Variants in HLCS observed in about 807,000 individuals in gnomAD.
HLCS encodes holocarboxylase synthetase, also known as biotin--protein ligase.
HLCS carries 53 observed loss-of-function variants against 75.0 expected under a neutral mutation model. The ratio of observed to expected loss-of-function variants is 0.71; its 90% CI spans 0.57 to 0.89. HLCS has a LOEUF of 0.89. Ranked by LOEUF, HLCS falls within the 40% of genes least tolerant of loss-of-function variation. The pLI, the probability that HLCS is intolerant of heterozygous loss-of-function variation, is 0.00. For missense variants in HLCS, 966 were observed against 1,074.0 expected (o/e 0.90, Z 1.41); for synonymous variants, 431 against 428.6 (o/e 1.01, Z -0.07).
chr21:36,986,256 T>G (rs1013253351), intron 1 of HLCS, among the ~76,000 whole-genome samples: 1 of 152,180 alleles, frequency 6.6e-6, no homozygotes, highest in Non-Finnish European at 1.5e-5. Flanking sequence ...TCCTCAATCT[T>G]GGACTTCCCA....
At chr21:36,905,701 A>T (rs1221629797) in intron 5 of HLCS, among the ~76,000 whole-genome samples, 1 of 147,406 alleles carries the variant, frequency 6.8e-6, no homozygotes, top group Non-Finnish European at 1.5e-5. Flanking sequence ...AAGGAATCTT[A>T]AAAAAAAAAA....
At chr21:36,846,987 T>C (rs1468413176) in intron 6 of HLCS, among the ~76,000 whole-genome samples, 1 of 152,200 alleles carries the variant, frequency 6.6e-6, no homozygotes, top group Non-Finnish European at 1.5e-5. Context: ...TGTAGCCTTT[T>C]CAAAAACACA....
chr21:36,892,147 G>A (rs2064812906), intron 6 of HLCS, among the ~76,000 whole-genome samples: 1 of 152,112 alleles, frequency 6.6e-6, no homozygotes, highest in Non-Finnish European at 1.5e-5. Context: ...AAACCTTAAG[G>A]CTGGCCTATA....
At chr21:36,874,150 C>T (rs1192578778) in intron 6 of HLCS, among the ~76,000 whole-genome samples, 1 of 152,160 alleles carries the variant, frequency 6.6e-6, no homozygotes, top group East Asian at 1.9e-4. Context: ...ATCACCACTT[C>T]TTGAAAACAC....
At chr21:36,792,718 T>C (rs2060907648) in intron 6 of HLCS, among the ~76,000 whole-genome samples, 1 of 152,042 alleles carries the variant, frequency 6.6e-6, no homozygotes, top group African/African-American at 2.4e-5. Context: ...CAAACATTCA[T>C]CCCCAAGTAA....
intron 2 of HLCS, chr21:36,944,250 T>G (rs929781942): frequency 2.0e-5 from 3 of 152,170 alleles, no homozygotes; most frequent in Non-Finnish European, 4.4e-5. Flanking sequence ...AAACATTATG[T>G]TGAGTGGAGA....
intron 6 of HLCS, among the ~76,000 whole-genome samples, chr21:36,820,758 G>C (rs1052762758): frequency 2.0e-5 from 3 of 152,248 alleles, no homozygotes; most frequent in African/African-American, 2.4e-5. Flanking sequence ...ACAGGCTCCT[G>C]GGCAGAAAGT....
chr21:36,966,422 C>CCCCG, intron 1 of HLCS, 22 bp downstream of exon 1: 3 of 260,934 alleles, frequency 1.1e-5, no homozygotes, highest in Non-Finnish European at 1.8e-5. Context: ...GCCCGGGTCG[C>CCCCG]CCGCCCGCCC....
intron 6 of HLCS, among the ~76,000 whole-genome samples, chr21:36,870,156 C>T (rs181439820): frequency 1.1e-3 from 175 of 152,234 alleles, no homozygotes; most frequent in African/African-American, 4.1e-3. Flanking sequence ...TTTTGTGTCT[C>T]GCCCCAGTAC....
intron 5 of HLCS, among the ~76,000 whole-genome samples, chr21:36,898,442 A>C (rs1601671358): frequency 2.3e-5 from 3 of 131,236 alleles, no homozygotes; most frequent in Non-Finnish European, 4.6e-5. Flanking sequence ...GTGAAACTCC[A>C]TCTCAAAAAA....
chr21:36,878,985 A>G (rs2064094291), intron 6 of HLCS, among the ~76,000 whole-genome samples: 1 of 202 alleles, frequency 5.0e-3, no homozygotes, highest in Admixed American at 0.05. Flanking sequence ...TTAAAGGGGA[A>G]CCATGATGAT....
chr21:36,862,501 T>C (rs767121240), intron 6 of HLCS, among the ~76,000 whole-genome samples: 3 of 152,238 alleles, frequency 2.0e-5, no homozygotes, highest in Non-Finnish European at 4.4e-5. Context: ...TATCTCATTG[T>C]GGTTTTGATT....
chr21:36,767,298 G>T lies in HLCS; in HGVS notation c.1893-13C>A. ...CTGAAACATCAGCCTGCCGAAGAGG[G>T]GGAAAGACCGGTTAGGCCAGACATG... On this transcript the variant is annotated splice_polypyrimidine_tract_variant and intron_variant, in intron 6 of 10. Transcript: ENST00000674895. 3 of 1,613,972 alleles carry T rather than the reference G, an allele frequency of 1.9e-6. No homozygotes were observed. The highest frequency in any genetic ancestry group is 2.5e-6 in the Non-Finnish European group (3 of 1,179,862).
intron 6 of HLCS, among the ~76,000 whole-genome samples, chr21:36,881,955 A>G (rs2064236947): frequency 6.6e-6 from 1 of 152,034 alleles, no homozygotes; most frequent in Admixed American, 6.6e-5. Flanking sequence ...GTGAACCAAG[A>G]TTGTGCCACT....
intron 6 of HLCS, among the ~76,000 whole-genome samples, chr21:36,768,293 A>G (rs547315419): frequency 2.3e-4 from 35 of 152,180 alleles, no homozygotes; most frequent in Non-Finnish European, 4.7e-4. Context: ...GTAATAACAT[A>G]AAGTTTCTAA....
intron 5 of HLCS, among the ~76,000 whole-genome samples, chr21:36,913,621 C>A (rs1227657092): frequency 1.3e-5 from 2 of 152,066 alleles, no homozygotes; most frequent in Non-Finnish European, 2.9e-5. Context: ...ATTAGCAGGG[C>A]ATGGTGGTGG....
intron 6 of HLCS, among the ~76,000 whole-genome samples, chr21:36,768,052 C>T (rs1413395278): frequency 2.0e-5 from 3 of 152,176 alleles, no homozygotes; most frequent in Non-Finnish European, 2.9e-5. Context: ...CTGCAAGCTG[C>T]GCTCTCCCTA....
chr21:36,853,958 T>C (rs1274353860), intron 6 of HLCS, among the ~76,000 whole-genome samples: 2 of 152,132 alleles, frequency 1.3e-5, no homozygotes, highest in Non-Finnish European at 2.9e-5. Context: ...TTTTCAAGCA[T>C]AAAAATGGGT....
rs892905718 is a variant in HLCS, at chr21:36,815,415, A to G, written c.1893-48130T>C. ...TTCTAATTCTGCACTGTGAGAAATA[A>G]CCACTACTGTCATCCACACTAAGAC... On this transcript the variant is annotated intron_variant, in intron 6 of 10. Coordinates refer to ENST00000674895, the MANE Select transcript of HLCS (RefSeq NM_001352514.2). Among the ~76,000 whole-genome samples, 10 of 152,324 alleles carry G rather than the reference A, an allele frequency of 6.6e-5. No individual in the cohort carries two copies. The South Asian group carries it at 1.5e-3, about 22-fold the overall frequency.
Sources: allele counts gnomAD v4.1 joint callset (sites outside exome capture counted in the v4.1 genomes callset), GRCh38; gene constraint gnomAD v4.1.1; transcripts MANE v1.5; gene names NCBI Gene and HGNC (gene_info 2026-07-23, HGNC 2026-07-21).